Variants in AGRN observed in about 807,000 individuals in gnomAD.
AGRN encodes agrin, also known as agrin proteoglycan.
A neutral mutation model predicts 211.0 loss-of-function variants in AGRN; 106 were observed. The observed-to-expected ratio is 0.50, with a 90% CI of 0.43 to 0.59. The LOEUF (loss-of-function observed/expected upper bound fraction) is 0.59, where lower values mean the gene tolerates loss of function less well. Ranked by LOEUF, AGRN falls within the 20% of genes least tolerant of loss-of-function variation. AGRN has a pLI of 0.00. For missense variants in AGRN, 3,040 were observed against 2,982.6 expected (o/e 1.02, Z -0.45); for synonymous variants, 1,525 against 1,332.5 (o/e 1.14, Z -3.15).
Position 1,043,898 on chromosome 1 carries a change from AC to A in AGRN, c.1880del (p.Pro627ArgfsTer105). On this transcript the variant is annotated frameshift_variant, in exon 10 of 36. Coordinates refer to ENST00000379370, the MANE Select transcript of AGRN (RefSeq NM_198576.4). LOFTEE classifies it high-confidence loss of function. Reference protein sequence around the residue: ...AGQCVCPRCEHPPPGPVCGSD... With the variant: ...AGQCVCPRCEXPPPGPVCGSD... The stretch of plus-strand genomic sequence containing the variant: ...CAGTGTGTGTGTCCCCGGTGTGAGC[AC>A]CCCCCGCCCGGCCCCGTGTGTGGCA... 2.5e-6 allele frequency: 4 copies of A among 1,601,364 alleles called. No individual in the cohort carries two copies. The highest frequency in any genetic ancestry group is 8.5e-7 in the Non-Finnish European group (1 of 1,176,606).
rs530071434 is a variant in AGRN at position 1,028,904 on chromosome 1, C to A, written c.464-6373C>A. 9.4e-3 allele frequency among the ~76,000 whole-genome samples: 465 copies of A among 49,290 alleles called. 1 individual carries two copies. Among genetic ancestry groups the A allele is most frequent in the African/African-American group, 0.023 (433 of 18,488 alleles). The allele number at this position is 49,290 out of a possible 152,430, so 32.3% of individuals were successfully genotyped here. A position where few individuals can be genotyped will look rare whatever the true frequency, so the allele number is the denominator to read the frequency against. ...AACCGAGCCCCAGCCCCTCGTGGGC[C>A]AAGGGCGCCCACACCCACGCCACCC... is the stretch of plus-strand genomic sequence containing the variant. On this transcript the variant is annotated intron_variant, in intron 2 of 35. Coordinates refer to ENST00000379370, the MANE Select transcript of AGRN (RefSeq NM_198576.4).
At position 1,049,738 on chromosome 1, in the gene AGRN, C is replaced by T; in HGVS notation, c.4687C>T (p.Pro1563Ser). 6.3e-7 allele frequency: 1 copy of T among 1,580,844 alleles called. No individual in the cohort carries two copies. Among genetic ancestry groups the T allele is most frequent in the Non-Finnish European group, 8.6e-7 (1 of 1,165,426 alleles). ...GCCCAACCCCTGCCATGGCGGGGCCCCATGCCAGAACCTGGAGGCTGGAAG... is the reference window on the plus strand; with the variant it reads ...GCCCAACCCCTGCCATGGCGGGGCCTCATGCCAGAACCTGGAGGCTGGAAG... ...CLPNPCHGGA[P>S]CQNLEAGRFH... The change falls in exon 26 of 36, where the codon CCA becomes TCA. Residue 1563 changes from proline to serine, a missense_variant. This residue lies in a region of AGRN where 1,537 missense variants were observed against 1,505.0 expected (regional missense o/e 1.02). Transcript: ENST00000379370.
At chr1:1,053,017 G>GT (rs1305233567) in intron 33 of AGRN, 2 of 196,412 alleles carry the variant, frequency 1.0e-5, no homozygotes, top group African/African-American at 4.7e-5. Context: ...GTACACGTGT[G>GT]TATGTGTGTG....
rs1001311114 is a variant in AGRN, at chr1:1,037,050, G to A, written c.511+1726G>A. Among the ~76,000 whole-genome samples the A allele has an allele frequency of 6.6e-5, 10 of 152,186 alleles. No individual in the cohort carries two copies. In the South Asian group the frequency reaches 1.2e-3, roughly 19 times the overall value. Reference sequence around the variant, plus strand: ...GCAGCCCCAGGACTGGGGGCAGGAGGGTATGGACTCAGAGAAGGACCCGAG... The same window carrying A: ...GCAGCCCCAGGACTGGGGGCAGGAGAGTATGGACTCAGAGAAGGACCCGAG... On this transcript the variant is annotated intron_variant, in intron 3 of 35. Coordinates refer to ENST00000379370, the MANE Select transcript of AGRN (RefSeq NM_198576.4).
In AGRN at chr1:1,047,595, CA is replaced by C; in HGVS notation, c.3540del (p.Asp1181ThrfsTer57). On this transcript the variant is annotated frameshift_variant, in exon 21 of 36. Transcript: ENST00000379370. LOFTEE classifies it high-confidence loss of function. ...ESTLDDLFRN[S>X]DVKKDFRSVR... Reference sequence around the variant, plus strand: ...CAGCTGGACGACCTCTTCCGGAATTCAGACGTCAAGAAGGATTTTCGGAGTG... The same window carrying C: ...CAGCTGGACGACCTCTTCCGGAATTCGACGTCAAGAAGGATTTTCGGAGTG... 1 of 1,612,986 alleles carries C rather than the reference CA, an allele frequency of 6.2e-7. No homozygotes were observed. The highest frequency in any genetic ancestry group is 8.5e-7 in the Non-Finnish European group (1 of 1,180,028).
chr1:1,052,159 G>A (rs1260029222), intron 33 of AGRN: 3 of 1,053,700 alleles, frequency 2.8e-6, no homozygotes, highest in African/African-American at 1.6e-5. Flanking sequence ...GCTGCAAGAG[G>A]CCGTTTCCTG....
In AGRN at chr1:1,055,100, T is replaced by C; in HGVS notation, c.*119T>C. On this transcript the variant is annotated 3_prime_UTR_variant, in exon 36 of 36. Transcript: ENST00000379370. The stretch of plus-strand genomic sequence containing the variant: ...GAGGGACTGCTGGCCCGGCCTCCCT[T>C]CCGTCCAGGCAGCCGTGCTGCAGAC... 1 of 1,466,378 alleles carries C rather than the reference T, an allele frequency of 6.8e-7. No homozygotes were observed. The highest frequency in any genetic ancestry group is 2.0e-5 in the Admixed American group (1 of 50,680). The allele number at this position is 1,466,378 out of a possible 1,614,324, so 90.8% of individuals were successfully genotyped here.
chr1:1,045,439 G>A lies in AGRN; in HGVS notation c.2452G>A (p.Val818Met), dbSNP rs1194561264. The part of the protein sequence containing the change: ...ATGQCSCRPG[V>M]GGLRCDRCEP... ...AGGCCAGTGCTCCTGCCGCCCAGGT[G>A]TGGGGGGCCTCAGGTGTGACCGCTG... Residue 818 changes from valine to methionine, a missense_variant, in exon 14 of 36, where the codon GTG becomes ATG. By Grantham distance (21) the Val-to-Met change is conservative (BLOSUM62 1). Transcript: ENST00000379370. 1 of 1,612,452 alleles carries A rather than the reference G, an allele frequency of 6.2e-7. No homozygotes were observed. Among genetic ancestry groups the A allele is most frequent in the South Asian group, 1.1e-5 (1 of 91,066 alleles).
At chr1:1,054,018 C>T in intron 34 of AGRN, 41 bp downstream of exon 34, 1 of 1,546,510 alleles carries the variant, frequency 6.5e-7, no homozygotes, top group Non-Finnish European at 8.8e-7. Flanking sequence ...GTGGCGAGGG[C>T]TGCCCAGACT....
At chr1:1,021,177 C>CT (rs1226971584) in intron 1 of AGRN, among the ~76,000 whole-genome samples, 4 of 152,196 alleles carry the variant, frequency 2.6e-5, no homozygotes, top group Admixed American at 2.6e-4. Flanking sequence ...CTGGCCGGTG[C>CT]GGGCTACAGC....
Position 1,045,175 on chromosome 1 carries a change from C to T in AGRN, c.2269C>T (p.Pro757Ser). The change falls in exon 13 of 36, where the codon CCG (proline) becomes TCG (serine). Residue 757 changes from proline (P) to serine (S), a missense_variant. Pro to Ser is a moderately conservative substitution (Grantham distance 74). Transcript: ENST00000379370. ...CTTTCCTGCAGGCCCCACCTTCGCC[C>T]CGCTGCCGCCTGTGGCCCCCTTACA... ...QGACRGPTFA[P>S]LPPVAPLHCA... 1.2e-6 allele frequency: 2 copies of T among 1,612,398 alleles called. No individual in the cohort carries two copies. The highest frequency in any genetic ancestry group is 1.7e-6 in the Non-Finnish European group (2 of 1,179,968).
intron 28 of AGRN, 47 bp from the exon 29 acceptor site, chr1:1,050,380 C>T (rs770817951): frequency 6.2e-7 from 1 of 1,612,770 alleles, no homozygotes; most frequent in South Asian, 1.1e-5. Flanking sequence ...TCCGTCTCTC[C>T]TGTGGGGAGG....
At position 1,055,075 on chromosome 1, in the gene AGRN, G is replaced by C; in HGVS notation, c.*94G>C. On this transcript the variant is annotated 3_prime_UTR_variant, in exon 36 of 36. Transcript: ENST00000379370. ...GATTTTCTTGCCTGAGTGTTGGCCG[G>C]AGGGACTGCTGGCCCGGCCTCCCTT... 1 of 1,518,930 alleles carries C rather than the reference G, an allele frequency of 6.6e-7. No homozygotes were observed. The highest frequency in any genetic ancestry group is 8.8e-7 in the Non-Finnish European group (1 of 1,132,784). The allele number at this position is 1,518,930 out of a possible 1,614,324, so 94.1% of individuals were successfully genotyped here.
chr1:1,038,981 G>C (rs1384769632), intron 3 of AGRN, among the ~76,000 whole-genome samples: 4 of 152,224 alleles, frequency 2.6e-5, no homozygotes, highest in African/African-American at 9.6e-5. Flanking sequence ...TACAGTGGCA[G>C]CAGACGGGCC....
chr1:1,021,545 GGAGTGCGT>G (rs1644406052), intron 1 of AGRN, among the ~76,000 whole-genome samples: 1 of 152,262 alleles, frequency 6.6e-6, no homozygotes, highest in Admixed American at 6.5e-5. Flanking sequence ...TGTTCTCAGG[GGAGTGCGT>G]GAGTGCGTGG....
chr1:1,043,199 G>C (rs375081195), intron 7 of AGRN, 40 bp from the exon 8 acceptor site: 11 of 1,552,968 alleles, frequency 7.1e-6, no homozygotes, highest in East Asian at 2.4e-5. Context: ...GCAGCGGAGG[G>C]GGGGCTTGTG....
chr1:1,027,944 A>G (rs779145195), intron 2 of AGRN, among the ~76,000 whole-genome samples: 13 of 152,234 alleles, frequency 8.5e-5, no homozygotes, highest in Non-Finnish European at 1.8e-4. Flanking sequence ...GCACAAGCAC[A>G]AACACCGGCC....
chr1:1,028,220 G>A lies in AGRN; in HGVS notation c.463+5758G>A, dbSNP rs1039523017. ...ACGGGGCGGAAGAGAGGGCTGGGGCGCAGTCGTCAGCTGCCGTGACCCCAC... is the reference window on the plus strand; with the variant it reads ...ACGGGGCGGAAGAGAGGGCTGGGGCACAGTCGTCAGCTGCCGTGACCCCAC... On this transcript the variant is annotated intron_variant, in intron 2 of 35. Transcript: ENST00000379370. Among the ~76,000 whole-genome samples the A allele has an allele frequency of 2.6e-5, 4 of 152,020 alleles. No individual in the cohort carries two copies. The East Asian group carries it at 5.8e-4, about 22-fold the overall frequency.
rs1432697759 is a variant in AGRN at position 1,054,563 on chromosome 1, G to C, written c.5980+12G>C. On this transcript the variant is annotated intron_variant, in intron 35 of 35. Transcript: ENST00000379370. ...AGCCCTGTGGCTTGGTGAGTGTTTT[G>C]GGGAGACTAGAGAGGGATGCCCAAG... 25 of 1,577,864 alleles carry C rather than the reference G, an allele frequency of 1.6e-5. No homozygotes were observed. The highest frequency in any genetic ancestry group is 2.1e-5 in the Non-Finnish European group (25 of 1,163,120).
Sources: gnomAD v4.1 joint callset for allele counts (sites outside exome capture counted in the v4.1 genomes callset) on GRCh38, gnomAD v4.1.1 for gene constraint, gnomAD v4.1.1 regional missense constraint, MANE v1.5 for transcripts, NCBI Gene and HGNC (gene_info 2026-07-23, HGNC 2026-07-21) for gene names.